The following ADAMTSL3 variants were observed in gnomAD, a reference collection of about 807,000 sequenced individuals.
The protein encoded by ADAMTSL3 is ADAMTS-like protein 3.
A neutral mutation model predicts 201.7 loss-of-function variants in ADAMTSL3; 128 were observed. That is an observed-to-expected ratio of 0.63 (90% CI 0.55 to 0.73). The LOEUF (loss-of-function observed/expected upper bound fraction) is 0.73, where lower values mean the gene tolerates loss of function less well. Among genes scored for constraint, ADAMTSL3 ranks in the 30% least tolerant of loss-of-function variants. The pLI is 0.00. For synonymous variants in ADAMTSL3, 738 were observed against 748.4 expected, an observed-to-expected ratio of 0.99 and a Z score of 0.23; for missense variants, 1,990 against 2,119.6, an observed-to-expected ratio of 0.94 and a Z score of 1.20.
intron 5 of ADAMTSL3, among the ~76,000 whole-genome samples, chr15:83,818,230 C>T (rs1461174913): frequency 6.6e-6 from 1 of 151,988 alleles, no homozygotes; most frequent in African/African-American, 2.4e-5. Flanking sequence ...GTTATTTATT[C>T]TTTTGTTGAG....
intron 19 of ADAMTSL3, among the ~76,000 whole-genome samples, chr15:83,963,736 A>G (rs965911460): frequency 2.6e-5 from 4 of 152,302 alleles, no homozygotes; most frequent in African/African-American, 9.6e-5. Context: ...GTAGGGGCTG[A>G]CAGACACTTC....
rs1387333133 is a variant in ADAMTSL3, at chr15:83,983,244, A to G, written c.3616A>G (p.Lys1206Glu). 6.2e-7 allele frequency: 1 copy of G among 1,613,876 alleles called. No homozygotes were observed. Among genetic ancestry groups the G allele is most frequent in the Admixed American group, 1.7e-5 (1 of 59,980 alleles). ...GATTGGAAATACAGTATACATTACA[A>G]AAAGGACAGAGGTCATCAATATACT... ...SRIGNTVYIT[K>E]RTEVINILCD... is the part of the protein sequence containing the mutation. The change falls in exon 21 of 30, where the codon AAA (lysine) becomes GAA (glutamate). Residue 1206 changes from lysine to glutamate, a missense_variant. Transcript: ENST00000286744.
intron 9 of ADAMTSL3, among the ~76,000 whole-genome samples, chr15:83,879,941 T>C (rs2065240992): frequency 6.6e-6 from 1 of 152,216 alleles, no homozygotes; most frequent in Non-Finnish European, 1.5e-5. Flanking sequence ...AACGTTTCTT[T>C]CAGCACTTTG....
At chr15:83,743,285 G>A (rs901879615) in intron 3 of ADAMTSL3, among the ~76,000 whole-genome samples, 3 of 151,848 alleles carry the variant, frequency 2.0e-5, no homozygotes, top group African/African-American at 4.8e-5. Context: ...AGGCCGAGGC[G>A]GGTGGATCAT....
At chr15:84,005,304 A>G (rs1057094400) in intron 23 of ADAMTSL3, among the ~76,000 whole-genome samples, 2 of 152,180 alleles carry the variant, frequency 1.3e-5, no homozygotes, top group African/African-American at 2.4e-5. Context: ...CTATATCCCA[A>G]TGTTATCTTG....
chr15:83,714,918 C>A (rs977060806), intron 3 of ADAMTSL3, among the ~76,000 whole-genome samples: 1 of 96,464 alleles, frequency 1.0e-5, no homozygotes, highest in African/African-American at 3.8e-5. Flanking sequence ...TCCTTCCTTC[C>A]TTCCTTCCTT....
chr15:83,902,414 G>T (rs2065744806), intron 15 of ADAMTSL3, among the ~76,000 whole-genome samples: 1 of 152,102 alleles, frequency 6.6e-6, no homozygotes, highest in East Asian at 1.9e-4. Context: ...GGGATTACAG[G>T]CATGTGCCAC....
intron 15 of ADAMTSL3, among the ~76,000 whole-genome samples, chr15:83,903,941 A>ATGG (rs1169857497): frequency 3.0e-5 from 1 of 33,864 alleles, no homozygotes; most frequent in Non-Finnish European, 4.8e-5. Flanking sequence ...AAAAAAAAAA[A>ATGG]AAAGAAAAAA....
chr15:83,878,389 G>A (rs1196641575), intron 9 of ADAMTSL3, among the ~76,000 whole-genome samples: 1 of 152,138 alleles, frequency 6.6e-6, no homozygotes, highest in Non-Finnish European at 1.5e-5. Flanking sequence ...GCCAAGGCAG[G>A]CGGATCACGA....
chr15:83,869,022 G>T (rs1216442448), intron 8 of ADAMTSL3, among the ~76,000 whole-genome samples: 1 of 152,110 alleles, frequency 6.6e-6, no homozygotes, highest in Non-Finnish European at 1.5e-5. Context: ...GGTCCAGAAG[G>T]TTAGCACAAT....
At chr15:83,803,360 T>C (rs1156287370) in intron 4 of ADAMTSL3, among the ~76,000 whole-genome samples, 1 of 152,134 alleles carries the variant, frequency 6.6e-6, no homozygotes, top group Admixed American at 6.5e-5. Context: ...TAAATCATAC[T>C]GGCAAAAAAA....
chr15:83,826,772 G>A (rs573571059), intron 6 of ADAMTSL3, among the ~76,000 whole-genome samples: 124 of 150,312 alleles, frequency 8.2e-4, no homozygotes, highest in African/African-American at 2.4e-3. Flanking sequence ...TTGGTTTTTC[G>A]TCCTTGCGAT....
In ADAMTSL3 at chr15:83,982,634, C is replaced by A. The variant is rs552053487; in HGVS notation, c.3006C>A (p.Leu1002=). Residue 1002 remains leucine, a synonymous_variant, in exon 21 of 30, where the codon CTC becomes CTA. Transcript: ENST00000286744. ...VLKLIGTDNR[L]IARPALREPM... is the part of the protein sequence containing the mutation. ...AGCTCATTGGTACTGACAACCGGCT[C>A]ATCGCACGCCCAGCCCTCAGGGAGC... The A allele has an allele frequency of 3.8e-4, 621 of 1,614,208 alleles. 6 individuals are homozygous for A. The South Asian group carries it at 6.5e-3, about 17-fold the overall frequency.
chr15:83,966,435 G>T (rs1327437888), intron 19 of ADAMTSL3, among the ~76,000 whole-genome samples: 1 of 152,114 alleles, frequency 6.6e-6, no homozygotes, highest in Non-Finnish European at 1.5e-5. Flanking sequence ...TAGAAGAAAT[G>T]GATAAATTCC....
intron 22 of ADAMTSL3, among the ~76,000 whole-genome samples, chr15:83,990,152 A>AATGG (rs2067557054): frequency 6.6e-6 from 1 of 152,144 alleles, no homozygotes; most frequent in African/African-American, 2.4e-5. Context: ...TCATTTTTTT[A>AATGG]ATGGGATTCA....
intron 3 of ADAMTSL3, among the ~76,000 whole-genome samples, chr15:83,729,693 A>C (rs1256259792): frequency 1.3e-5 from 2 of 152,006 alleles, no homozygotes; most frequent in African/African-American, 4.8e-5. Context: ...GCTTCTCAAA[A>C]CAGCTATTTT....
intron 19 of ADAMTSL3, among the ~76,000 whole-genome samples, chr15:83,952,876 A>G (rs1039494283): frequency 6.6e-6 from 1 of 152,058 alleles, no homozygotes; most frequent in African/African-American, 2.4e-5. Context: ...AAATTAAACA[A>G]TGACATTCTT....
At chr15:83,699,617 C>G (rs1403771427) in intron 2 of ADAMTSL3, among the ~76,000 whole-genome samples, 1 of 152,206 alleles carries the variant, frequency 6.6e-6, no homozygotes, top group Non-Finnish European at 1.5e-5. Flanking sequence ...TTCTCCGTCT[C>G]CTTACCATAA....
rs1312183321 is a variant in ADAMTSL3, at chr15:84,031,445, C to A, written c.4754+13C>A. The A allele has an allele frequency of 6.2e-7, 1 of 1,611,626 alleles. No homozygotes were observed. The highest frequency in any genetic ancestry group is 8.5e-7 in the Non-Finnish European group (1 of 1,177,994). On this transcript the variant is annotated intron_variant, in intron 28 of 29. Coordinates refer to ENST00000286744, the MANE Select transcript of ADAMTSL3 (RefSeq NM_207517.3). ...ATGACAGAAAGAGGTAGGGGCCCCA[C>A]CCCAGAGCAGCACACATTCTCTCCT...
Sources: gnomAD v4.1 joint callset for allele counts (sites outside exome capture counted in the v4.1 genomes callset) on GRCh38, gnomAD v4.1.1 for gene constraint, MANE v1.5 for transcripts, NCBI Gene and HGNC (gene_info 2026-07-23, HGNC 2026-07-21) for gene names.